Variants in GPBP1L1 observed in about 807,000 individuals in gnomAD.
The protein encoded by GPBP1L1 is vasculin-like protein 1.
In GPBP1L1, 23 loss-of-function variants were observed where a neutral mutation model predicts 52.5. That is an observed-to-expected ratio of 0.44 (90% CI 0.32 to 0.62). The LOEUF (loss-of-function observed/expected upper bound fraction) is 0.62. GPBP1L1 is among the 20% of genes least tolerant of loss of function. The pLI, the probability that GPBP1L1 is intolerant of heterozygous loss-of-function variation, is 0.06. For synonymous variants in GPBP1L1, 243 were observed against 203.1 expected, an observed-to-expected ratio of 1.20 and a Z score of -1.67; for missense variants, 596 against 579.3, an observed-to-expected ratio of 1.03 and a Z score of -0.30.
intron 6 of GPBP1L1, among the ~76,000 whole-genome samples, chr1:45,653,029 T>G (rs1644837820): frequency 6.6e-6 from 1 of 152,242 alleles, no homozygotes; most frequent in African/African-American, 2.4e-5. Flanking sequence ...ATTCAATATG[T>G]AAGGGCAGTA....
chr1:45,665,153 C>T (rs1281554150), intron 2 of GPBP1L1, among the ~76,000 whole-genome samples: 1 of 151,812 alleles, frequency 6.6e-6, no homozygotes, highest in African/African-American at 2.4e-5. Context: ...CGCTGGGTGT[C>T]GTGGCTGGCA....
intron 6 of GPBP1L1, among the ~76,000 whole-genome samples, chr1:45,652,333 T>A (rs1644828565): frequency 6.6e-6 from 1 of 152,194 alleles, no homozygotes; most frequent in Non-Finnish European, 1.5e-5. Flanking sequence ...GGTAAAAAAA[T>A]GCACAAATTG....
chr1:45,642,282 A>T, intron 7 of GPBP1L1, 145 bp downstream of exon 7: 1 of 632,704 alleles, frequency 1.6e-6, no homozygotes, highest in Non-Finnish European at 2.8e-6. Context: ...GGGGCAGAAT[A>T]ACCCGCTACA....
chr1:45,660,081 C>T, intron 3 of GPBP1L1, 103 bp downstream of exon 3: 1 of 669,874 alleles, frequency 1.5e-6, no homozygotes, highest in Non-Finnish European at 1.8e-6. Context: ...AACCACCCCA[C>T]TGATATTCTC....
intron 6 of GPBP1L1, chr1:45,654,307 A>G (rs987483737): frequency 2.6e-6 from 1 of 385,354 alleles, no homozygotes; most frequent in Non-Finnish European, 4.7e-6. Flanking sequence ...GAGAAATTAA[A>G]TATTTTTCTA....
chr1:45,682,148 G>A (rs915471861), intron 2 of GPBP1L1, among the ~76,000 whole-genome samples: 2 of 152,102 alleles, frequency 1.3e-5, no homozygotes, highest in South Asian at 2.1e-4. Context: ...TTTACTAACA[G>A]CACAAAAACT....
At chr1:45,643,900 C>T (rs369482389) in intron 6 of GPBP1L1, among the ~76,000 whole-genome samples, 3 of 152,024 alleles carry the variant, frequency 2.0e-5, no homozygotes, top group South Asian at 4.1e-4. Flanking sequence ...GAACTGACCT[C>T]AAGTGATCCA....
chr1:45,639,773 C>T (rs1310701477), intron 8 of GPBP1L1, among the ~76,000 whole-genome samples: 3 of 151,572 alleles, frequency 2.0e-5, no homozygotes, highest in Non-Finnish European at 2.9e-5. Context: ...CCCAGCTACT[C>T]GGGAGGCTGA....
chr1:45,630,977 T>C (rs1644523589), intron 10 of GPBP1L1, among the ~76,000 whole-genome samples: 1 of 151,746 alleles, frequency 6.6e-6, no homozygotes. Flanking sequence ...AATAGTCCAA[T>C]GGGACAGAAC....
chr1:45,628,454 G>A (rs780975605), intron 12 of GPBP1L1, 46 bp from the exon 13 acceptor site: 14 of 1,581,238 alleles, frequency 8.9e-6, no homozygotes, highest in Non-Finnish European at 8.6e-6. Flanking sequence ...AAATATCAAT[G>A]ACTGTACTGA....
intron 2 of GPBP1L1, among the ~76,000 whole-genome samples, chr1:45,670,190 T>C (rs1330270154): frequency 2.0e-5 from 3 of 152,272 alleles, no homozygotes; most frequent in Admixed American, 6.5e-5. Flanking sequence ...GGTTATTCTT[T>C]GCTCTGCTGG....
chr1:45,670,485 T>C (rs1437428990), intron 2 of GPBP1L1, among the ~76,000 whole-genome samples: 2 of 152,240 alleles, frequency 1.3e-5, no homozygotes, highest in Non-Finnish European at 2.9e-5. Context: ...ATGATTCACA[T>C]TTCTGTGTCT....
At chr1:45,643,506 C>A (rs568438086) in intron 6 of GPBP1L1, among the ~76,000 whole-genome samples, 1 of 151,840 alleles carries the variant, frequency 6.6e-6, no homozygotes, top group Non-Finnish European at 1.5e-5. Flanking sequence ...ATTCCATAGT[C>A]CGGGAGGGTA....
intron 6 of GPBP1L1, chr1:45,650,930 C>A: frequency 6.7e-6 from 2 of 298,350 alleles, no homozygotes; most frequent in Non-Finnish European, 1.3e-5. Flanking sequence ...TTTCTCTCTT[C>A]AAGTTAATTA....
chr1:45,645,085 T>C (rs919930342), intron 6 of GPBP1L1, among the ~76,000 whole-genome samples: 1 of 152,218 alleles, frequency 6.6e-6, no homozygotes, highest in African/African-American at 2.4e-5. Context: ...CAATTTGGCT[T>C]CTAAATCCTT....
At chr1:45,630,706 C>A in intron 10 of GPBP1L1, 100 bp from the exon 11 acceptor site, 1 of 1,338,398 alleles carries the variant, frequency 7.5e-7, no homozygotes, top group South Asian at 1.4e-5. Flanking sequence ...GAAGTGTTTT[C>A]CAAAAGACAG....
chr1:45,648,333 T>C (rs1644778145), intron 6 of GPBP1L1, among the ~76,000 whole-genome samples: 1 of 152,202 alleles, frequency 6.6e-6, no homozygotes, highest in African/African-American at 2.4e-5. Flanking sequence ...TTCCTTATAT[T>C]AACTTTCTCT....
chr1:45,685,801 AC>A, intron 1 of GPBP1L1, among the ~76,000 whole-genome samples, 181 bp from the exon 2 acceptor site: 1 of 152,326 alleles, frequency 6.6e-6, no homozygotes, highest in South Asian at 2.1e-4. Flanking sequence ...ATTTAAAACA[AC>A]AGAAAAAAAA....
At chr1:45,642,595 A>G in intron 6 of GPBP1L1, 96 bp from the exon 7 acceptor site, 1 of 795,570 alleles carries the variant, frequency 1.3e-6, no homozygotes, top group Non-Finnish European at 2.2e-6. Flanking sequence ...TCAAATAATT[A>G]CATATTTTAC....
Sources: gnomAD v4.1 joint callset for allele counts (sites outside exome capture counted in the v4.1 genomes callset) on GRCh38, gnomAD v4.1.1 for gene constraint, MANE v1.5 for transcripts, NCBI Gene and HGNC (gene_info 2026-07-23, HGNC 2026-07-21) for gene names.